The following PCCA variants were observed in gnomAD, a reference collection of about 807,000 sequenced individuals.
PCCA encodes propionyl-CoA carboxylase alpha chain, mitochondrial.
PCCA carries 74 observed loss-of-function variants against 101.3 expected under a neutral mutation model. The ratio of observed to expected loss-of-function variants is 0.73; its 90% CI spans 0.61 to 0.89. The LOEUF (loss-of-function observed/expected upper bound fraction) is 0.89, where lower values mean the gene tolerates loss of function less well. Ranked by LOEUF, PCCA falls within the 40% of genes least tolerant of loss-of-function variation. The pLI, the probability that PCCA is intolerant of heterozygous loss-of-function variation, is 0.00. For synonymous variants in PCCA, 294 were observed against 313.6 expected (o/e 0.94, Z 0.66); for missense variants, 891 against 907.0 (o/e 0.98, Z 0.23).
intron 8 of PCCA, among the ~76,000 whole-genome samples, chr13:100,252,660 T>G (rs1299263781): frequency 3.9e-5 from 6 of 152,202 alleles, no homozygotes; most frequent in Admixed American, 3.9e-4. Context: ...CATTATCAGT[T>G]GGTCAAAAAA....
intron 6 of PCCA, among the ~76,000 whole-genome samples, chr13:100,171,286 A>G (rs1013237606): frequency 2.0e-5 from 3 of 152,230 alleles, no homozygotes; most frequent in Non-Finnish European, 4.4e-5. Context: ...GATATATACA[A>G]CATGTATAAG....
rs146882534 is a variant in PCCA at position 100,504,449 on chromosome 13, C to T, written c.1900-10978C>T. ...GCTGTTGTGCATCTGAGAGCGTGTA[C>T]GCGGGCGTGAGAGCGATTTAGATCC... On this transcript the variant is annotated intron_variant, in intron 21 of 23. Transcript: ENST00000376285. Among the ~76,000 whole-genome samples, 164 of 152,250 alleles carry T rather than the reference C, an allele frequency of 1.1e-3. 1 individual carries two copies. Among genetic ancestry groups the T allele is most frequent in the African/African-American group, 3.4e-3 (141 of 41,538 alleles).
intron 21 of PCCA, among the ~76,000 whole-genome samples, chr13:100,475,038 A>G (rs1566406984): frequency 6.7e-6 from 1 of 149,168 alleles, no homozygotes; most frequent in Non-Finnish European, 1.5e-5. Flanking sequence ...ACTTGTTATT[A>G]TTAGCATTAT....
intron 4 of PCCA, among the ~76,000 whole-genome samples, chr13:100,143,560 A>AAT (rs2052170801): frequency 1.3e-5 from 2 of 151,640 alleles, no homozygotes; most frequent in African/African-American, 4.8e-5. Context: ...ATAAAAAAAA[A>AAT]AAATAAAAAT....
intron 21 of PCCA, among the ~76,000 whole-genome samples, chr13:100,451,712 T>TGTC (rs2081249995): frequency 1.7e-5 from 1 of 60,084 alleles, no homozygotes; most frequent in Non-Finnish European, 3.3e-5. Context: ...TCCTCTCCTC[T>TGTC]CTCCTCTCTC....
intron 1 of PCCA, among the ~76,000 whole-genome samples, chr13:100,100,584 A>G (rs547539217): frequency 6.6e-6 from 1 of 152,276 alleles, no homozygotes; most frequent in African/African-American, 2.4e-5. Context: ...TAGAAAATAA[A>G]CTTTATGTTG....
intron 7 of PCCA, among the ~76,000 whole-genome samples, chr13:100,210,471 A>G (rs995964139): frequency 1.3e-5 from 2 of 152,198 alleles, no homozygotes; most frequent in Non-Finnish European, 2.9e-5. Flanking sequence ...TTCTCTGTAT[A>G]TCTTTATCTT....
chr13:100,113,771 G>T (rs1349229034), intron 4 of PCCA, among the ~76,000 whole-genome samples: 1 of 151,910 alleles, frequency 6.6e-6, no homozygotes, highest in Non-Finnish European at 1.5e-5. Context: ...TAGAGACGGG[G>T]TTTCACCATG....
chr13:100,418,713 A>C (rs1163680976), intron 19 of PCCA, among the ~76,000 whole-genome samples: 2 of 151,994 alleles, frequency 1.3e-5, no homozygotes, highest in Admixed American at 1.3e-4. Flanking sequence ...GTACACCTGT[A>C]ATCCCAACTA....
intron 20 of PCCA, among the ~76,000 whole-genome samples, chr13:100,436,484 TG>T (rs1028253776): frequency 6.6e-6 from 1 of 152,074 alleles, no homozygotes; most frequent in Non-Finnish European, 1.5e-5. Context: ...ACAGAAAAGG[TG>T]GGTGGTTTGC....
chr13:100,158,406 A>G (rs546560698), intron 6 of PCCA, among the ~76,000 whole-genome samples: 1 of 152,362 alleles, frequency 6.6e-6, no homozygotes, highest in East Asian at 1.9e-4. Context: ...AACAATTATT[A>G]AGATCACAGA....
chr13:100,182,098 C>CTT (rs558498604), intron 6 of PCCA, among the ~76,000 whole-genome samples: 23 of 105,466 alleles, frequency 2.2e-4, no homozygotes, highest in African/African-American at 4.9e-4. Context: ...TTTTCTTTTT[C>CTT]TTTTTTTTTT....
In PCCA at chr13:100,294,434, C is replaced by T. The variant is rs143041312; in HGVS notation, c.1066-7026C>T. On this transcript the variant is annotated intron_variant, in intron 12 of 23. Coordinates refer to ENST00000376285, the MANE Select transcript of PCCA (RefSeq NM_000282.4). Reference sequence around the variant, plus strand: ...GGGAACCCTATAATAGAATCTGTTCCGTTTTCGTGGTCACTCTTTTTTTTT... The same window carrying T: ...GGGAACCCTATAATAGAATCTGTTCTGTTTTCGTGGTCACTCTTTTTTTTT... Among the ~76,000 whole-genome samples, 31 of 152,042 alleles carry T rather than the reference C, an allele frequency of 2.0e-4. 1 individual carries two copies. The East Asian group carries it at 5.6e-3, about 27-fold the overall frequency.
At chr13:100,467,113 A>G (rs2082581871) in intron 21 of PCCA, among the ~76,000 whole-genome samples, 2 of 152,078 alleles carry the variant, frequency 1.3e-5, no homozygotes, top group Non-Finnish European at 2.9e-5. Flanking sequence ...GAAGTAAGGG[A>G]TTTGCTCAGA....
intron 19 of PCCA, among the ~76,000 whole-genome samples, chr13:100,373,823 G>A (rs1431713996): frequency 6.6e-6 from 1 of 152,106 alleles, no homozygotes; most frequent in African/African-American, 2.4e-5. Context: ...CTTAAAAGGA[G>A]GGTTGTGGCC....
rs1595277422 is a variant in PCCA at position 100,314,318 on chromosome 13, C to G, written c.1429+4410C>G. Among the ~76,000 whole-genome samples the G allele has an allele frequency of 2.6e-5, 4 of 152,300 alleles. 1 individual carries two copies. The highest frequency in any genetic ancestry group is 2.6e-4 in the Admixed American group (4 of 15,300). On this transcript the variant is annotated intron_variant, in intron 16 of 23. Coordinates refer to ENST00000376285, the MANE Select transcript of PCCA (RefSeq NM_000282.4). The stretch of plus-strand genomic sequence containing the variant: ...ATCCATGCCCTCTCCAGGTGCACCA[C>G]CCTCCATCACTTCCGTGTGTTCAGC...
chr13:100,343,065 G>A (rs1352104582), intron 18 of PCCA, among the ~76,000 whole-genome samples: 1 of 152,106 alleles, frequency 6.6e-6, no homozygotes, highest in East Asian at 1.9e-4. Flanking sequence ...GCGTGGTGGC[G>A]GGTGCCTGTA....
At chr13:100,244,520 A>AT (rs1030066707) in intron 8 of PCCA, among the ~76,000 whole-genome samples, 1 of 151,894 alleles carries the variant, frequency 6.6e-6, no homozygotes, top group Non-Finnish European at 1.5e-5. Flanking sequence ...CGTGAATACC[A>AT]TTTTTTTCCT....
chr13:100,341,369 C>T (rs994534981), intron 18 of PCCA, among the ~76,000 whole-genome samples: 2 of 152,174 alleles, frequency 1.3e-5, no homozygotes, highest in African/African-American at 4.8e-5. Context: ...TTTGCTCCCC[C>T]GATGTCTGTA....
Sources: gnomAD v4.1 joint callset for allele counts (sites outside exome capture counted in the v4.1 genomes callset) on GRCh38, gnomAD v4.1.1 for gene constraint, MANE v1.5 for transcripts, NCBI Gene and HGNC (gene_info 2026-07-23, HGNC 2026-07-21) for gene names.